ATRNL1: variants seen among roughly 807,000 people sequenced by gnomAD.
ATRNL1 encodes attractin-like protein 1.
In ATRNL1, 95 loss-of-function variants were observed where a neutral mutation model predicts 182.7. The ratio of observed to expected loss-of-function variants is 0.52; its 90% CI spans 0.44 to 0.62. ATRNL1 has a LOEUF of 0.62. Ranked by LOEUF, ATRNL1 falls within the 20% of genes least tolerant of loss-of-function variation. ATRNL1 has a pLI of 0.00. For missense variants in ATRNL1, 1,471 were observed against 1,679.5 expected (o/e 0.88, Z 2.17); for synonymous variants, 576 against 568.3 (o/e 1.01, Z -0.19).
At chr10:115,788,832 A>G (rs1949457227) in intron 27 of ATRNL1, among the ~76,000 whole-genome samples, 1 of 152,218 alleles carries the variant, frequency 6.6e-6, no homozygotes, top group African/African-American at 2.4e-5. Flanking sequence ...AGCCTTTCTA[A>G]CTGTGGCAAA....
chr10:115,867,495 G>A (rs1297124032), intron 28 of ATRNL1, among the ~76,000 whole-genome samples: 5 of 152,026 alleles, frequency 3.3e-5, no homozygotes, highest in Non-Finnish European at 7.4e-5. Context: ...GCTGCTTAGG[G>A]GTCCTCATAT....
intron 18 of ATRNL1, among the ~76,000 whole-genome samples, chr10:115,327,768 A>G (rs1854986542): frequency 6.6e-6 from 1 of 152,034 alleles, no homozygotes; most frequent in South Asian, 2.1e-4. Flanking sequence ...AAAAATGATG[A>G]GTTCATGTCC....
At chr10:115,742,703 C>T (rs1450055672) in intron 27 of ATRNL1, among the ~76,000 whole-genome samples, 3 of 151,974 alleles carry the variant, frequency 2.0e-5, no homozygotes, top group East Asian at 1.9e-4. Context: ...TGATTTTTTT[C>T]CTGCTCTGTT....
intron 27 of ATRNL1, among the ~76,000 whole-genome samples, chr10:115,780,222 A>G (rs1555078981): frequency 6.6e-6 from 1 of 152,184 alleles, no homozygotes; most frequent in African/African-American, 2.4e-5. Flanking sequence ...ATACAGCAAA[A>G]CCAGGCTGAA....
intron 26 of ATRNL1, among the ~76,000 whole-genome samples, chr10:115,644,042 C>G (rs551228729): frequency 6.6e-6 from 1 of 152,154 alleles, no homozygotes; most frequent in South Asian, 2.1e-4. Flanking sequence ...TTCATAAACA[C>G]CAAAACCTGG....
chr10:115,105,167 A>G (rs1168568183), intron 1 of ATRNL1, among the ~76,000 whole-genome samples: 1 of 152,098 alleles, frequency 6.6e-6, no homozygotes, highest in Non-Finnish European at 1.5e-5. Context: ...AACAATATTG[A>G]TTCTTCCAAT....
At chr10:115,222,201 A>G (rs559646341) in intron 9 of ATRNL1, among the ~76,000 whole-genome samples, 3 of 152,172 alleles carry the variant, frequency 2.0e-5, no homozygotes, top group Non-Finnish European at 4.4e-5. Context: ...ATAACAGCAG[A>G]TTAGACACAG....
chr10:115,894,322 G>A (rs953370435), intron 28 of ATRNL1, among the ~76,000 whole-genome samples: 4 of 152,164 alleles, frequency 2.6e-5, no homozygotes, highest in African/African-American at 9.7e-5. Context: ...CTGAGCATTG[G>A]TCATGAACTT....
intron 26 of ATRNL1, among the ~76,000 whole-genome samples, chr10:115,583,576 C>A (rs59160174): frequency 0.056 from 7,117 of 126,170 alleles, 720 homozygotes; most frequent in African/African-American, 0.17. Context: ...TATAAGAATG[C>A]TTGTGATTTT....
intron 26 of ATRNL1, among the ~76,000 whole-genome samples, chr10:115,644,457 C>CA (rs2133864770): frequency 6.6e-6 from 1 of 152,170 alleles, no homozygotes; most frequent in African/African-American, 2.4e-5. Context: ...GAATGAGTCT[C>CA]AAAGAGATAG....
chr10:115,844,343 G>A (rs371345956), intron 27 of ATRNL1, among the ~76,000 whole-genome samples: 458 of 152,142 alleles, frequency 3.0e-3, no homozygotes, highest in African/African-American at 0.01. Flanking sequence ...GGAAGAACAA[G>A]TAGCCAGCTT....
intron 28 of ATRNL1, among the ~76,000 whole-genome samples, chr10:115,889,114 A>G (rs1952018950): frequency 6.6e-6 from 1 of 152,186 alleles, no homozygotes; most frequent in African/African-American, 2.4e-5. Context: ...ATATTTGCCA[A>G]TTAATACAAG....
intron 28 of ATRNL1, among the ~76,000 whole-genome samples, chr10:115,873,559 A>T (rs1470435685): frequency 6.6e-6 from 1 of 152,198 alleles, no homozygotes; most frequent in Admixed American, 6.5e-5. Flanking sequence ...ACATATAGGT[A>T]TATGTAGATT....
intron 26 of ATRNL1, among the ~76,000 whole-genome samples, chr10:115,637,498 A>G (rs1265294165): frequency 6.6e-6 from 1 of 151,916 alleles, no homozygotes; most frequent in Non-Finnish European, 1.5e-5. Flanking sequence ...TTTGTATAGC[A>G]GTATGTATGT....
intron 19 of ATRNL1, among the ~76,000 whole-genome samples, chr10:115,366,380 C>T (rs1374900451): frequency 8.4e-4 from 127 of 152,072 alleles, no homozygotes; most frequent in African/African-American, 3.0e-3. Flanking sequence ...GGTAGATCTT[C>T]CTCCATCCTT....
At chr10:115,266,732 A>G in intron 11 of ATRNL1, 65 bp from the exon 12 acceptor site, 2 of 902,074 alleles carry the variant, frequency 2.2e-6, no homozygotes, top group Admixed American at 2.3e-5. Flanking sequence ...TTATTTTTAT[A>G]ACTAAATCAG....
chr10:115,466,832 C>T (rs1257269906), intron 22 of ATRNL1, among the ~76,000 whole-genome samples: 1 of 150,882 alleles, frequency 6.6e-6, no homozygotes, highest in Non-Finnish European at 1.5e-5. Context: ...TTAAACCTAG[C>T]AAAAAGAATC....
In ATRNL1 at chr10:115,727,450, C is replaced by T. The variant is rs1456589273; in HGVS notation, c.3903+95C>T. ...ATCTGCTTATGAAGCCAAACAGAGT[C>T]TGATTATCTACAGTTGACAAGATTC... is the stretch of plus-strand genomic sequence containing the variant. On this transcript the variant is annotated intron_variant, in intron 27 of 28. Transcript: ENST00000355044. 30 of 902,512 alleles carry T rather than the reference C, an allele frequency of 3.3e-5. 1 individual carries two copies. The South Asian group carries it at 4.3e-4, about 13-fold the overall frequency. The allele number at this position is 902,512 out of a possible 1,614,324, so 55.9% of individuals were successfully genotyped here. A position where few individuals can be genotyped will look rare whatever the true frequency, so the allele number is the denominator to read the frequency against.
intron 26 of ATRNL1, among the ~76,000 whole-genome samples, chr10:115,644,957 C>A (rs1358263561): frequency 6.6e-6 from 1 of 152,078 alleles, no homozygotes; most frequent in African/African-American, 2.4e-5. Context: ...TAGTTACATT[C>A]CTGAACCAGT....
Sources: gnomAD v4.1 joint callset for allele counts (sites outside exome capture counted in the v4.1 genomes callset) on GRCh38, gnomAD v4.1.1 for gene constraint, MANE v1.5 for transcripts, NCBI Gene and HGNC (gene_info 2026-07-23, HGNC 2026-07-21) for gene names.